The following FBXO33 variants were observed in gnomAD, a reference collection of about 807,000 sequenced individuals.
FBXO33 encodes the protein F-box only protein 33.
Under a neutral mutation model 46.3 loss-of-function variants are expected in FBXO33, and 22 were observed. That is an observed-to-expected ratio of 0.48 (90% CI 0.34 to 0.68). The LOEUF is 0.68. Ranked by LOEUF, FBXO33 falls within the 30% of genes least tolerant of loss-of-function variation. FBXO33 has a pLI of 0.01. For synonymous variants in FBXO33, 337 were observed against 291.3 expected, an observed-to-expected ratio of 1.16 and a Z score of -1.60; for missense variants, 692 against 708.8, an observed-to-expected ratio of 0.98 and a Z score of 0.27.
chr14:39,427,140 G>C (rs1318787011), intron 1 of FBXO33, among the ~76,000 whole-genome samples: 1 of 152,166 alleles, frequency 6.6e-6, no homozygotes, highest in Non-Finnish European at 1.5e-5. Flanking sequence ...CTCAAAAGCT[G>C]CTTAACACCC....
Position 39,432,117 on chromosome 14 carries a change from G to C in FBXO33, c.46C>G (p.Arg16Gly). Reference protein sequence around the residue: ...SVPQPRPPGARTRAGAARVAR... With the variant: ...SVPQPRPPGAGTRAGAARVAR... ...ACCCGGGCGGCCCCGGCTCGGGTTCGAGCTCCCGGCGGTCGGGGCTGCGGC... is the reference window on the plus strand; with the variant it reads ...ACCCGGGCGGCCCCGGCTCGGGTTCCAGCTCCCGGCGGTCGGGGCTGCGGC... The change falls in exon 1 of 4, where the codon CGA becomes GGA. Residue 16 changes from arginine to glycine, a missense_variant. Coordinates refer to ENST00000298097, the MANE Select transcript of FBXO33 (RefSeq NM_203301.4). 8.0e-7 allele frequency: 1 copy of C among 1,244,336 alleles called. No homozygotes were observed. The highest frequency in any genetic ancestry group is 3.8e-5 in the South Asian group (1 of 26,060). 77.1% of individuals were successfully genotyped at this position (1,244,336 alleles called of 1,614,324 possible).
At chr14:39,423,144 T>C (rs1300954844) in intron 1 of FBXO33, among the ~76,000 whole-genome samples, 2 of 151,838 alleles carry the variant, frequency 1.3e-5, no homozygotes, top group African/African-American at 4.8e-5. Context: ...AAGCTTAATA[T>C]AATGAAAGGG....
chr14:39,407,992 A>C (rs929427856), intron 1 of FBXO33, among the ~76,000 whole-genome samples: 1 of 152,184 alleles, frequency 6.6e-6, no homozygotes, highest in Non-Finnish European at 1.5e-5. Flanking sequence ...CCAAGGCTGG[A>C]GTGCAGGGCA....
At chr14:39,429,769 A>C (rs2075533920) in intron 1 of FBXO33, among the ~76,000 whole-genome samples, 1 of 152,222 alleles carries the variant, frequency 6.6e-6, no homozygotes. Context: ...TAGAAGTGAT[A>C]GCTGACCCAG....
chr14:39,429,032 A>T (rs745970435), intron 1 of FBXO33, among the ~76,000 whole-genome samples: 7 of 152,240 alleles, frequency 4.6e-5, no homozygotes, highest in Non-Finnish European at 7.3e-5. Context: ...AACCTAAGAT[A>T]CAGGTATGGC....
At chr14:39,430,247 G>C (rs970676780) in intron 1 of FBXO33, among the ~76,000 whole-genome samples, 2 of 152,164 alleles carry the variant, frequency 1.3e-5, no homozygotes, top group Admixed American at 6.5e-5. Flanking sequence ...TAAGGAAATA[G>C]AATGTCTTGC....
chr14:39,420,292 G>T (rs903823876), intron 1 of FBXO33, among the ~76,000 whole-genome samples: 23 of 152,108 alleles, frequency 1.5e-4, no homozygotes, highest in African/African-American at 5.6e-4. Flanking sequence ...TGTTATCAAT[G>T]GTATTGTGGT....
Position 39,431,616 on chromosome 14 carries a change from G to A in FBXO33, c.547C>T (p.Arg183Cys), listed in dbSNP as rs552654687. 1.3e-5 allele frequency: 21 copies of A among 1,613,508 alleles called. No homozygotes were observed. The Admixed American group carries it at 3.0e-4, about 23-fold the overall frequency. Reference sequence around the variant, plus strand: ...CAAAGCACCAGCTCCAAGTAGGTGCGCAGCACTTCCAGCCAACGAGCTGAG... The same window carrying A: ...CAAAGCACCAGCTCCAAGTAGGTGCACAGCACTTCCAGCCAACGAGCTGAG... ...QLSARWLEVL[R>C]TYLELVLCVL... The change falls in exon 1 of 4, where the codon CGC becomes TGC. Residue 183 changes from arginine to cysteine, a missense_variant. Transcript: ENST00000298097.
At position 39,399,523 on chromosome 14, in the gene FBXO33, T is replaced by A. The variant is rs1312235823; in HGVS notation, c.1661A>T (p.Asp554Val). The A allele has an allele frequency of 6.2e-6, 10 of 1,607,772 alleles. No homozygotes were observed. Among genetic ancestry groups the A allele is most frequent in the Non-Finnish European group, 7.7e-6 (9 of 1,175,920 alleles). The change falls in exon 4 of 4, where the codon GAC (aspartate) becomes GTC (valine). Residue 554 changes from aspartate (D) to valine (V), a missense_variant. Transcript: ENST00000298097. ...FYREMQSFSE[D>V]I ...TTCTACATTAAAAAAAAGCTAAATG[T>A]CTTCACTGAAGCTTTGCATCTCTCT... is the stretch of plus-strand genomic sequence containing the variant.
At chr14:39,415,393 T>C (rs888342756) in intron 1 of FBXO33, among the ~76,000 whole-genome samples, 4 of 152,212 alleles carry the variant, frequency 2.6e-5, no homozygotes, top group African/African-American at 7.2e-5. Context: ...ATATAGTTGC[T>C]TGATGCAGGG....
chr14:39,401,670 T>G lies in FBXO33; in HGVS notation c.902A>C (p.Glu301Ala). 2 of 1,614,194 alleles carry G rather than the reference T, an allele frequency of 1.2e-6. No homozygotes were observed. The highest frequency in any genetic ancestry group is 1.7e-6 in the Non-Finnish European group (2 of 1,180,032). Residue 301 changes from glutamate (E) to alanine (A), a missense_variant, in exon 3 of 4, where the codon GAA becomes GCA. Glu to Ala is a moderately radical substitution (Grantham distance 107, BLOSUM62 -1). This residue lies in a region of FBXO33 where 186 missense variants were observed against 246.1 expected (regional missense o/e 0.76). Coordinates refer to ENST00000298097, the MANE Select transcript of FBXO33 (RefSeq NM_203301.4). ...PGNSTLITAV[E>A]LERFVNLHSL... ...GTGCAGATTCACAAATCGCTCCAGT[T>G]CAACTGCAGTAATAAGAGTGCTGTT...
chr14:39,406,277 T>C (rs1203349139), intron 1 of FBXO33, among the ~76,000 whole-genome samples: 1 of 152,180 alleles, frequency 6.6e-6, no homozygotes, highest in African/African-American at 2.4e-5. Flanking sequence ...CAATTTCTAA[T>C]AATACTCAGA....
intron 1 of FBXO33, among the ~76,000 whole-genome samples, chr14:39,420,138 T>C (rs899768427): frequency 3.9e-5 from 6 of 152,228 alleles, no homozygotes; most frequent in East Asian, 1.9e-4. Context: ...AAAATATGTA[T>C]ATTGTGTGCC....
At chr14:39,421,515 C>T (rs771441287) in intron 1 of FBXO33, among the ~76,000 whole-genome samples, 32 of 151,900 alleles carry the variant, frequency 2.1e-4, no homozygotes, top group African/African-American at 7.5e-4. Context: ...AAGGTTAGAC[C>T]TAGGCAAATT....
At chr14:39,425,134 A>C (rs1349794360) in intron 1 of FBXO33, among the ~76,000 whole-genome samples, 1 of 152,232 alleles carries the variant, frequency 6.6e-6, no homozygotes. Flanking sequence ...TGAATTAAAC[A>C]ACCATCACAA....
chr14:39,420,511 C>T (rs903121173), intron 1 of FBXO33, among the ~76,000 whole-genome samples: 1 of 152,076 alleles, frequency 6.6e-6, no homozygotes, highest in African/African-American at 2.4e-5. Context: ...CACGGTGAAA[C>T]CCCGTCTCTA....
rs762324390 is a variant in FBXO33, at chr14:39,399,663, T to G, written c.1521A>C (p.Val507=). 6.2e-7 allele frequency: 1 copy of G among 1,614,098 alleles called. No homozygotes were observed. Among genetic ancestry groups the G allele is most frequent in the East Asian group, 2.2e-5 (1 of 44,882 alleles). The change falls in exon 4 of 4, where the codon GTA becomes GTC. Residue 507 remains valine (V), a synonymous_variant. Transcript: ENST00000298097. ...FDQGELADQD[V]DPVHNLIEQV... ...GCTCAATAAGGTTATGCACTGGATCTACATCCTGGTCGGCCAGTTCACCTT... is the reference window on the plus strand; with the variant it reads ...GCTCAATAAGGTTATGCACTGGATCGACATCCTGGTCGGCCAGTTCACCTT...
intron 1 of FBXO33, among the ~76,000 whole-genome samples, chr14:39,404,455 T>C (rs887713047): frequency 3.3e-5 from 5 of 151,974 alleles, no homozygotes; most frequent in Admixed American, 2.0e-4. Flanking sequence ...GCCTCCCGAG[T>C]AGCTGGGACT....
chr14:39,423,590 C>G (rs2075495969), intron 1 of FBXO33, among the ~76,000 whole-genome samples: 1 of 152,114 alleles, frequency 6.6e-6, no homozygotes, highest in Non-Finnish European at 1.5e-5. Flanking sequence ...AATTAATGAA[C>G]AACTATTATA....
Sources: gnomAD v4.1 joint callset for allele counts (sites outside exome capture counted in the v4.1 genomes callset) on GRCh38, gnomAD v4.1.1 for gene constraint, gnomAD v4.1.1 regional missense constraint, MANE v1.5 for transcripts, NCBI Gene and HGNC (gene_info 2026-07-23, HGNC 2026-07-21) for gene names.